The following DNAH11 variants were observed in gnomAD, a reference collection of about 807,000 sequenced individuals.
DNAH11 encodes axonemal beta dynein heavy chain 11.
DNAH11 carries 442 observed loss-of-function variants against 526.0 expected under a neutral mutation model. The ratio of observed to expected loss-of-function variants is 0.84; its 90% CI spans 0.78 to 0.91. The LOEUF (loss-of-function observed/expected upper bound fraction) is 0.91. DNAH11 is among the 40% of genes least tolerant of loss of function. The probability of loss-of-function intolerance (pLI) is 0.00; values close to 1 mark genes in which losing one functional copy is unlikely to be tolerated. For synonymous variants in DNAH11, 2,461 were observed against 1,935.9 expected (o/e 1.27, Z -7.12); for missense variants, 6,989 against 5,448.7 (o/e 1.28, Z -8.90).
At chr7:21,721,737 G>A (rs1026826069) in intron 44 of DNAH11, among the ~76,000 whole-genome samples, 6 of 152,152 alleles carry the variant, frequency 3.9e-5, no homozygotes, top group African/African-American at 1.2e-4. Flanking sequence ...ACACTGTGGG[G>A]TAGGGCTTCA....
At chr7:21,822,813 C>T (rs756584510) in intron 65 of DNAH11, among the ~76,000 whole-genome samples, 13 of 152,020 alleles carry the variant, frequency 8.6e-5, no homozygotes, top group Non-Finnish European at 1.2e-4. Context: ...TGGAATGAGA[C>T]GGTACCTCAT....
chr7:21,801,013 G>T lies in DNAH11; in HGVS notation c.10027-124G>T, dbSNP rs1788962314. ...CTTCCCTAAAATACGTATGGTAAAG[G>T]GGCAAAGGTTAATGGGGGGAAGAGG... is the stretch of plus-strand genomic sequence containing the variant. On this transcript the variant is annotated intron_variant, in intron 61 of 81. Transcript: ENST00000409508. The T allele has an allele frequency of 5.0e-6, 5 of 998,378 alleles. No homozygotes were observed. The South Asian group carries it at 7.4e-5, about 15-fold the overall frequency. 61.8% of individuals were successfully genotyped at this position (998,378 alleles called of 1,614,324 possible). A position where few individuals can be genotyped will look rare whatever the true frequency, so the allele number is the denominator to read the frequency against.
chr7:21,567,986 A>G (rs1032347758), intron 6 of DNAH11, among the ~76,000 whole-genome samples: 22 of 152,010 alleles, frequency 1.4e-4, no homozygotes, highest in African/African-American at 5.1e-4. Context: ...TCTATTGTAG[A>G]TATTGTCACC....
chr7:21,772,456 C>A (rs1787482590), intron 55 of DNAH11, among the ~76,000 whole-genome samples: 1 of 149,292 alleles, frequency 6.7e-6, no homozygotes, highest in Admixed American at 6.8e-5. Context: ...CCCATTAAAA[C>A]AAGACAGGAC....
chr7:21,637,178 C>T (rs1202026232), intron 26 of DNAH11, among the ~76,000 whole-genome samples: 1 of 152,054 alleles, frequency 6.6e-6, no homozygotes, highest in Non-Finnish European at 1.5e-5. Flanking sequence ...CTCTCATTCT[C>T]TGTCTCTCTC....
chr7:21,702,617 A>C, intron 36 of DNAH11, 93 bp from the exon 37 acceptor site: 2 of 963,582 alleles, frequency 2.1e-6, no homozygotes, highest in Non-Finnish European at 3.2e-6. Flanking sequence ...ATTTATCTGA[A>C]CTCCTTCTTA....
chr7:21,901,334 A>ATTATTCTAACTTT lies in DNAH11; in HGVS notation c.*84_*96dup. On this transcript the variant is annotated 3_prime_UTR_variant, in exon 82 of 82. Transcript: ENST00000409508. ...ATGTTGCTGCACTGTTCCCATGCAC[A>ATTATTCTAACTTT]TTATTCTAACTTTTTAGTAACTCAC... 1 of 1,414,400 alleles carries ATTATTCTAACTTT rather than the reference A, an allele frequency of 7.1e-7. No individual in the cohort carries two copies. The highest frequency in any genetic ancestry group is 9.3e-7 in the Non-Finnish European group (1 of 1,073,800). 87.6% of individuals were successfully genotyped at this position (1,414,400 alleles called of 1,614,324 possible).
Position 21,600,046 on chromosome 7 carries a change from T to C in DNAH11, c.2927T>C (p.Met976Thr). The change falls in exon 15 of 82, where the codon ATG (methionine) becomes ACG (threonine). Residue 976 changes from methionine (M) to threonine (T), a missense_variant. Transcript: ENST00000409508. Reference protein sequence around the residue: ...GDGFYDLVEEMLCNSFRMSAQ... With the variant: ...GDGFYDLVEETLCNSFRMSAQ... ...GGCTTCTATGATCTTGTAGAAGAAA[T>C]GTTATGCAATAGTTTTAGAATGTCT... is the stretch of plus-strand genomic sequence containing the variant. 2 of 1,610,078 alleles carry C rather than the reference T, an allele frequency of 1.2e-6. No individual in the cohort carries two copies. The highest frequency in any genetic ancestry group is 1.7e-6 in the Non-Finnish European group (2 of 1,177,670).
At chr7:21,747,405 T>C (rs1483400991) in intron 51 of DNAH11, among the ~76,000 whole-genome samples, 1 of 152,212 alleles carries the variant, frequency 6.6e-6, no homozygotes, top group Non-Finnish European at 1.5e-5. Flanking sequence ...GTTCAGGTTC[T>C]GAAGTTTAAG....
At chr7:21,805,894 C>G (rs1789244381) in intron 62 of DNAH11, among the ~76,000 whole-genome samples, 1 of 152,136 alleles carries the variant, frequency 6.6e-6, no homozygotes, top group African/African-American at 2.4e-5. Flanking sequence ...TGAAAAACAT[C>G]AAGACTGATG....
chr7:21,702,891 C>G, intron 37 of DNAH11, 89 bp downstream of exon 37: 1 of 1,138,104 alleles, frequency 8.8e-7, no homozygotes, highest in Middle Eastern at 1.9e-4. Flanking sequence ...GGGGCATGGA[C>G]AGCACAACTT....
intron 76 of DNAH11, among the ~76,000 whole-genome samples, 186 bp from the exon 77 acceptor site, chr7:21,892,239 T>C (rs1784351196): frequency 6.6e-6 from 1 of 152,182 alleles, no homozygotes; most frequent in Non-Finnish European, 1.5e-5. Flanking sequence ...CTTGGGATCT[T>C]CCGCAGAGAT....
At chr7:21,670,941 A>G (rs781280320) in intron 30 of DNAH11, among the ~76,000 whole-genome samples, 1 of 151,728 alleles carries the variant, frequency 6.6e-6, no homozygotes, top group Non-Finnish European at 1.5e-5. Flanking sequence ...CAAATTCTAC[A>G]TTTATGTTTA....
intron 40 of DNAH11, among the ~76,000 whole-genome samples, chr7:21,709,490 A>G (rs868736803): frequency 1.3e-5 from 2 of 152,302 alleles, no homozygotes; most frequent in African/African-American, 4.8e-5. Context: ...TACTACCTGG[A>G]CGATGGCACC....
chr7:21,790,515 T>C (rs774910918), intron 61 of DNAH11, among the ~76,000 whole-genome samples: 3 of 152,204 alleles, frequency 2.0e-5, no homozygotes, highest in Non-Finnish European at 2.9e-5. Context: ...ACCACTACTG[T>C]TTTTACAAAT....
chr7:21,620,107 T>G (rs767112605), intron 25 of DNAH11, 29 bp downstream of exon 25: 146 of 1,496,794 alleles, frequency 9.8e-5, no homozygotes, highest in Admixed American at 1.7e-4. Context: ...TTGCATATAT[T>G]TTTCATTTTA....
intron 58 of DNAH11, among the ~76,000 whole-genome samples, chr7:21,785,436 T>C (rs2127986210): frequency 6.6e-6 from 1 of 152,350 alleles, no homozygotes; most frequent in Admixed American, 6.5e-5. Flanking sequence ...TATTGTTAAA[T>C]GCTAATTAGC....
chr7:21,695,930 A>G (rs964713860), intron 35 of DNAH11, among the ~76,000 whole-genome samples: 1 of 152,214 alleles, frequency 6.6e-6, no homozygotes, highest in Non-Finnish European at 1.5e-5. Flanking sequence ...AAGGATATGA[A>G]CAGACACTTC....
intron 41 of DNAH11, among the ~76,000 whole-genome samples, chr7:21,711,032 T>G (rs1784447396): frequency 6.6e-6 from 1 of 152,226 alleles, no homozygotes; most frequent in Admixed American, 6.5e-5. Context: ...GTATAAATAC[T>G]TAGACAATGA....
Sources: gnomAD v4.1 joint callset for allele counts (sites outside exome capture counted in the v4.1 genomes callset) on GRCh38, gnomAD v4.1.1 for gene constraint, MANE v1.5 for transcripts, NCBI Gene and HGNC (gene_info 2026-07-23, HGNC 2026-07-21) for gene names.